AASS: variants seen among roughly 807,000 people sequenced by gnomAD.
AASS encodes aminoadipate-semialdehyde synthase.
AASS carries 86 observed loss-of-function variants against 105.4 expected under a neutral mutation model. The ratio of observed to expected loss-of-function variants is 0.82; its 90% CI spans 0.69 to 0.98. The LOEUF (loss-of-function observed/expected upper bound fraction) is 0.98. Ranked by LOEUF, AASS falls within the 50% of genes least tolerant of loss-of-function variation. AASS has a pLI of 0.00. For synonymous variants in AASS, 381 were observed against 394.8 expected (o/e 0.96, Z 0.41); for missense variants, 1,048 against 1,143.2 (o/e 0.92, Z 1.20).
chr7:122,114,358 C>A (rs79983164), intron 9 of AASS, among the ~76,000 whole-genome samples: 113 of 152,274 alleles, frequency 7.4e-4, no homozygotes, highest in African/African-American at 2.4e-3. Context: ...TTCTTCTAAA[C>A]CCTGGTGATG....
rs1276706596 is a variant in AASS at position 122,126,467 on chromosome 7, G to C, written c.388-8C>G. On this transcript the variant is annotated splice_polypyrimidine_tract_variant and splice_region_variant and intron_variant, in intron 3 of 23. Coordinates refer to ENST00000417368, the MANE Select transcript of AASS (RefSeq NM_005763.4). The stretch of plus-strand genomic sequence containing the variant: ...ATCAATAAGGCGAATTTCCTGAAAA[G>C]AGGATAAAAAAATTTCAACTGGACC... 1 of 1,612,908 alleles carries C rather than the reference G, an allele frequency of 6.2e-7. No homozygotes were observed. The highest frequency in any genetic ancestry group is 1.7e-5 in the Admixed American group (1 of 59,998).
At chr7:122,142,470 C>CCT (rs1320361353) in intron 1 of AASS, among the ~76,000 whole-genome samples, 1 of 152,022 alleles carries the variant, frequency 6.6e-6, no homozygotes, top group African/African-American at 2.4e-5. Flanking sequence ...CCCAATAAGC[C>CCT]CTCTCTTCAA....
In AASS at chr7:122,118,448, A is replaced by G; in HGVS notation, c.546T>C (p.Ile182=). The change falls in exon 6 of 24, where the codon ATT becomes ATC. Residue 182 remains isoleucine, a synonymous_variant. Transcript: ENST00000417368. The stretch of plus-strand genomic sequence containing the variant: ...TATTCCTGTAGTTATGAGCCATGCC[A>G]ATGTGCTGAAAACAAACATACACAA... ...ALGHHTPFMH[I]GMAHNYRNSS... The G allele has an allele frequency of 6.2e-7, 1 of 1,614,124 alleles. No homozygotes were observed. Among genetic ancestry groups the G allele is most frequent in the Non-Finnish European group, 8.5e-7 (1 of 1,180,002 alleles).
intron 3 of AASS, among the ~76,000 whole-genome samples, chr7:122,128,907 T>A (rs896436906): frequency 6.6e-6 from 1 of 152,112 alleles, no homozygotes; most frequent in African/African-American, 2.4e-5. Flanking sequence ...TGAAACCCCA[T>A]CTCTACTAAA....
rs73426046 is a variant in AASS, at chr7:122,134,127, G to C, written c.-15-386C>G. Among the ~76,000 whole-genome samples, 624 of 152,252 alleles carry C rather than the reference G, an allele frequency of 4.1e-3. 7 individuals carry two copies. Among genetic ancestry groups the C allele is most frequent in the African/African-American group, 0.014 (594 of 41,554 alleles). ...TCAGATTGGTCTAAATTTTGATGGC[G>C]TAAAGTTTGAAATCCTTATAATGGT... is the stretch of plus-strand genomic sequence containing the variant. On this transcript the variant is annotated intron_variant, in intron 1 of 23. Transcript: ENST00000417368.
chr7:122,122,715 A>G (rs1467829306), intron 4 of AASS, among the ~76,000 whole-genome samples: 1 of 152,226 alleles, frequency 6.6e-6, no homozygotes, highest in South Asian at 2.1e-4. Context: ...CAATCAATAG[A>G]CACTACAGAA....
intron 11 of AASS, among the ~76,000 whole-genome samples, chr7:122,106,201 T>C (rs1341156915): frequency 6.6e-6 from 1 of 152,092 alleles, no homozygotes; most frequent in African/African-American, 2.4e-5. Flanking sequence ...GAATGCTTTT[T>C]ATTTCTTTCT....
rs535912281 is a variant in AASS, at chr7:122,075,357, C to G, written c.*1132G>C. On this transcript the variant is annotated 3_prime_UTR_variant, in exon 24 of 24. Coordinates refer to ENST00000417368, the MANE Select transcript of AASS (RefSeq NM_005763.4). Reference sequence around the variant, plus strand: ...CCTTGGATTACTATGCACAAAACCACCATATCGTCTCCCATCTCTATTTAG... The same window carrying G: ...CCTTGGATTACTATGCACAAAACCAGCATATCGTCTCCCATCTCTATTTAG... Among the ~76,000 whole-genome samples, 163 of 152,300 alleles carry G rather than the reference C, an allele frequency of 1.1e-3. 4 individuals are homozygous for G. The South Asian group carries it at 0.032, about 30-fold the overall frequency.
chr7:122,117,407 G>C (rs1355770434), intron 6 of AASS, among the ~76,000 whole-genome samples: 1 of 151,960 alleles, frequency 6.6e-6, no homozygotes, highest in Non-Finnish European at 1.5e-5. Context: ...AGTTTCTATA[G>C]GAGATTACAA....
In AASS at chr7:122,102,503, C is replaced by T. The variant is rs370146883; in HGVS notation, c.1279-823G>A. ...AGAGCCAATGAGACAATCTTTCCTC[C>T]CTAACTATAGGTTAAGATCTAGCTC... On this transcript the variant is annotated intron_variant, in intron 11 of 23. Transcript: ENST00000417368. Among the ~76,000 whole-genome samples, 9 of 151,916 alleles carry T rather than the reference C, an allele frequency of 5.9e-5. No homozygotes were observed. The East Asian group carries it at 7.7e-4, about 13-fold the overall frequency.
chr7:122,078,107 T>G, intron 22 of AASS, 93 bp from the exon 23 acceptor site: 1 of 1,223,466 alleles, frequency 8.2e-7, no homozygotes, highest in Non-Finnish European at 1.2e-6. Context: ...CTTAAAAGTT[T>G]TCCCTCCTTT....
At chr7:122,138,749 A>G (rs1479328557) in intron 1 of AASS, among the ~76,000 whole-genome samples, 1 of 152,198 alleles carries the variant, frequency 6.6e-6, no homozygotes, top group Non-Finnish European at 1.5e-5. Context: ...ATCAGAAGAA[A>G]GAACATGCTT....
intron 19 of AASS, among the ~76,000 whole-genome samples, chr7:122,084,745 A>G (rs944022269): frequency 6.6e-6 from 1 of 152,138 alleles, no homozygotes; most frequent in African/African-American, 2.4e-5. Flanking sequence ...AAGCAGGCAC[A>G]AGATTGAAGG....
intron 1 of AASS, among the ~76,000 whole-genome samples, chr7:122,134,036 G>A (rs1459323354): frequency 3.3e-5 from 5 of 152,012 alleles, no homozygotes; most frequent in Non-Finnish European, 7.3e-5. Context: ...ACATCTATTC[G>A]GCACAAAAGT....
At chr7:122,143,663 C>A (rs1018201734) in intron 1 of AASS, among the ~76,000 whole-genome samples, 2 of 151,832 alleles carry the variant, frequency 1.3e-5, no homozygotes, top group Non-Finnish European at 2.9e-5. Flanking sequence ...TTTGGCTAAG[C>A]TGGGCGTGGG....
At chr7:122,129,578 G>T in intron 2 of AASS, 41 bp from the exon 3 acceptor site, 1 of 1,588,894 alleles carries the variant, frequency 6.3e-7, no homozygotes, top group Non-Finnish European at 8.6e-7. Flanking sequence ...ATCCTGATTT[G>T]TAATATCCAT....
chr7:122,080,961 G>T (rs55813453), intron 20 of AASS, among the ~76,000 whole-genome samples: 1 of 152,150 alleles, frequency 6.6e-6, no homozygotes, highest in African/African-American at 2.4e-5. Flanking sequence ...GCTCTACTTC[G>T]CATTCAGTTC....
chr7:122,124,225 A>G (rs956370450), intron 4 of AASS, among the ~76,000 whole-genome samples: 2 of 152,170 alleles, frequency 1.3e-5, no homozygotes, highest in African/African-American at 4.8e-5. Context: ...ACTTTTTAAA[A>G]GAAAGCTTTT....
At chr7:122,132,635 A>G (rs1795963099) in intron 2 of AASS, among the ~76,000 whole-genome samples, 1 of 152,202 alleles carries the variant, frequency 6.6e-6, no homozygotes, top group Non-Finnish European at 1.5e-5. Flanking sequence ...ATGTGATGCC[A>G]TGGGAAGAAC....
Sources: gnomAD v4.1 joint callset for allele counts (sites outside exome capture counted in the v4.1 genomes callset) on GRCh38, gnomAD v4.1.1 for gene constraint, MANE v1.5 for transcripts, NCBI Gene and HGNC (gene_info 2026-07-23, HGNC 2026-07-21) for gene names.